The following RSRC1 variants were observed in gnomAD, a reference collection of about 807,000 sequenced individuals.
RSRC1 encodes the protein serine/Arginine-related protein 53.
Under a neutral mutation model 49.1 loss-of-function variants are expected in RSRC1, and 39 were observed. The ratio of observed to expected loss-of-function variants is 0.79; its 90% confidence interval spans 0.61 to 1.04. RSRC1 has a LOEUF of 1.04. Among genes scored for constraint, RSRC1 ranks in the 50% least tolerant of loss-of-function variants. RSRC1 has a pLI of 0.00. For missense variants in RSRC1, 388 were observed against 402.4 expected, an observed-to-expected ratio of 0.96 and a Z score of 0.31; for synonymous variants, 143 against 130.8, an observed-to-expected ratio of 1.09 and a Z score of -0.63.
intron 9 of RSRC1, 98 bp from the exon 10 acceptor site, chr3:158,544,085 T>C: frequency 1.3e-6 from 1 of 765,314 alleles, no homozygotes; most frequent in Admixed American, 2.1e-5. Flanking sequence ...AATCTTGTGT[T>C]GAGAGATATA....
intron 3 of RSRC1, among the ~76,000 whole-genome samples, chr3:158,180,748 G>T (rs1719555973): frequency 6.6e-6 from 1 of 150,462 alleles, no homozygotes; most frequent in South Asian, 2.1e-4. Flanking sequence ...GATTACAGGT[G>T]TGAGCCACTG....
At chr3:158,246,752 C>T (rs146158874) in intron 4 of RSRC1, among the ~76,000 whole-genome samples, 21 of 152,214 alleles carry the variant, frequency 1.4e-4, no homozygotes, top group African/African-American at 4.1e-4. Context: ...AGAGGTCCAC[C>T]GATAGTCTCA....
intron 4 of RSRC1, among the ~76,000 whole-genome samples, chr3:158,216,178 G>T: frequency 6.6e-6 from 1 of 151,348 alleles, no homozygotes; most frequent in Non-Finnish European, 1.5e-5. Context: ...ATAATATAAA[G>T]GCATAATTTT....
intron 4 of RSRC1, among the ~76,000 whole-genome samples, chr3:158,287,692 A>C (rs576692940): frequency 6.6e-6 from 1 of 152,320 alleles, no homozygotes; most frequent in Non-Finnish European, 1.5e-5. Context: ...GAAAAAATTT[A>C]AGCTATATAA....
At chr3:158,357,450 G>A (rs577074073) in intron 6 of RSRC1, among the ~76,000 whole-genome samples, 49 of 152,170 alleles carry the variant, frequency 3.2e-4, no homozygotes, top group African/African-American at 9.9e-4. Flanking sequence ...TACCAGTTCC[G>A]TGAATATGTT....
chr3:158,316,218 A>G (rs1728433478), intron 5 of RSRC1, among the ~76,000 whole-genome samples: 1 of 152,038 alleles, frequency 6.6e-6, no homozygotes. Context: ...TTAACAAACA[A>G]TTCTTAGACA....
intron 4 of RSRC1, among the ~76,000 whole-genome samples, chr3:158,225,894 C>T (rs1284877664): frequency 2.0e-5 from 3 of 151,856 alleles, no homozygotes; most frequent in Non-Finnish European, 4.4e-5. Context: ...ATTGAGATAA[C>T]AGATATTAAG....
At chr3:158,269,582 G>A (rs1725390216) in intron 4 of RSRC1, among the ~76,000 whole-genome samples, 1 of 151,782 alleles carries the variant, frequency 6.6e-6, no homozygotes. Flanking sequence ...GCACAATCTC[G>A]GCTTACTGCA....
chr3:158,236,205 G>T (rs1206621435), intron 4 of RSRC1, among the ~76,000 whole-genome samples: 1 of 152,086 alleles, frequency 6.6e-6, no homozygotes, highest in East Asian at 1.9e-4. Context: ...TGTGAAATTT[G>T]TTAATATAAT....
intron 4 of RSRC1, among the ~76,000 whole-genome samples, chr3:158,244,755 T>A (rs1193849547): frequency 1.3e-5 from 2 of 152,148 alleles, no homozygotes; most frequent in African/African-American, 4.8e-5. Context: ...CATCTGATCC[T>A]GGGCTTTTTT....
chr3:158,271,029 T>C (rs1473595612), intron 4 of RSRC1, among the ~76,000 whole-genome samples: 3 of 152,172 alleles, frequency 2.0e-5, no homozygotes, highest in Non-Finnish European at 4.4e-5. Context: ...CCGTGTCATA[T>C]TGAATTCATG....
chr3:158,400,084 G>A (rs1733823421), intron 6 of RSRC1, among the ~76,000 whole-genome samples: 1 of 152,100 alleles, frequency 6.6e-6, no homozygotes, highest in African/African-American at 2.4e-5. Flanking sequence ...GAGGTATACT[G>A]TAGAGTTACA....
At chr3:158,376,000 GAATTCTCTTTTTAA>G (rs1401076877) in intron 6 of RSRC1, among the ~76,000 whole-genome samples, 21 of 128,420 alleles carry the variant, frequency 1.6e-4, no homozygotes, top group African/African-American at 1.0e-3. Context: ...ACTGATTTCT[GAATTCTCTTTTTAA>G]GGGTGAGTCT....
intron 6 of RSRC1, among the ~76,000 whole-genome samples, chr3:158,400,778 T>C (rs927256908): frequency 3.3e-5 from 5 of 152,054 alleles, no homozygotes; most frequent in Admixed American, 6.6e-5. Flanking sequence ...GTTTATAAAG[T>C]AAAAAAGTTA....
chr3:158,348,999 G>C (rs1730716938), intron 5 of RSRC1, among the ~76,000 whole-genome samples: 1 of 152,052 alleles, frequency 6.6e-6, no homozygotes. Context: ...AACTATAAGT[G>C]GACACTTAGG....
intron 6 of RSRC1, among the ~76,000 whole-genome samples, chr3:158,426,273 A>AAC (rs1457566291): frequency 2.0e-5 from 3 of 151,734 alleles, no homozygotes; most frequent in Non-Finnish European, 4.4e-5. Context: ...CAAAAGATAT[A>AAC]ACACATACTG....
chr3:158,157,237 A>G (rs1039039885), intron 3 of RSRC1, among the ~76,000 whole-genome samples: 3 of 152,370 alleles, frequency 2.0e-5, no homozygotes, highest in South Asian at 2.1e-4. Context: ...TTAATCTAGT[A>G]CATACTAAGG....
intron 7 of RSRC1, among the ~76,000 whole-genome samples, chr3:158,501,665 G>A (rs1237750807): frequency 1.3e-5 from 2 of 152,054 alleles, no homozygotes; most frequent in Non-Finnish European, 2.9e-5. Context: ...TATAAGAATA[G>A]CTACCCCTGC....
intron 3 of RSRC1, among the ~76,000 whole-genome samples, chr3:158,145,838 G>A (rs552625510): frequency 1.3e-5 from 2 of 152,194 alleles, no homozygotes; most frequent in East Asian, 3.9e-4. Flanking sequence ...TCCTTGAAGA[G>A]GTCCTTCACA....
Sources: gnomAD v4.1 joint callset for allele counts (sites outside exome capture counted in the v4.1 genomes callset) on GRCh38, gnomAD v4.1.1 for gene constraint, MANE v1.5 for transcripts, NCBI Gene and HGNC (gene_info 2026-07-23, HGNC 2026-07-21) for gene names.